Variants in MYO9B observed in about 807,000 individuals in gnomAD.
MYO9B encodes unconventional myosin-IXb.
MYO9B carries 71 observed loss-of-function variants against 229.5 expected under a neutral mutation model. The ratio of observed to expected loss-of-function variants is 0.31; its 90% CI spans 0.26 to 0.38. The LOEUF is 0.38. Ranked by LOEUF, MYO9B falls within the 10% of genes least tolerant of loss-of-function variation. The pLI is 1.00. For synonymous variants in MYO9B, 1,185 were observed against 1,235.8 expected, an observed-to-expected ratio of 0.96 and a Z score of 0.86; for missense variants, 2,255 against 2,920.5, an observed-to-expected ratio of 0.77 and a Z score of 5.25.
At position 17,203,251 on chromosome 19, in the gene MYO9B, C is replaced by T; in HGVS notation, c.4983C>T (p.Leu1661=). The change falls in exon 30 of 40, where the codon CTC becomes CTT. Residue 1661 remains leucine (L), a synonymous_variant. Coordinates refer to ENST00000682292, the MANE Select transcript of MYO9B (RefSeq NM_004145.4). ...TCTGGCTCATGGACAAGGCCCTGCT[C>T]TGCAGCGGTGAGTGGCTCCCCCACC... ...SYIWLMDKAL[L]CSVCKMTCHK... is the part of the protein sequence containing the mutation. 1.3e-6 allele frequency: 2 copies of T among 1,552,790 alleles called. No homozygotes were observed. The highest frequency in any genetic ancestry group is 2.4e-5 in the East Asian group (1 of 41,152).
intron 2 of MYO9B, among the ~76,000 whole-genome samples, chr19:17,120,643 A>G (rs1473897984): frequency 4.1e-5 from 4 of 96,758 alleles, no homozygotes; most frequent in African/African-American, 1.4e-4. Context: ...TGTCTCAAAA[A>G]AAAAAAAAAA....
At chr19:17,153,305 G>A (rs112518140) in intron 4 of MYO9B, among the ~76,000 whole-genome samples, 1,749 of 150,528 alleles carry the variant, frequency 0.012, 38 homozygotes, top group African/African-American at 0.039. Context: ...TGCCTGAGGC[G>A]ACTCTCATGC....
At chr19:17,136,812 C>T (rs2072275847) in intron 2 of MYO9B, among the ~76,000 whole-genome samples, 1 of 152,182 alleles carries the variant, frequency 6.6e-6, no homozygotes, top group South Asian at 2.1e-4. Context: ...ACAGGTCAGA[C>T]CGGGCCCAGT....
At chr19:17,133,559 C>T (rs967130844) in intron 2 of MYO9B, among the ~76,000 whole-genome samples, 2 of 151,792 alleles carry the variant, frequency 1.3e-5, no homozygotes, top group Admixed American at 1.3e-4. Context: ...TGGGCCTAAG[C>T]GATCCTTCTG....
rs200272204 is a variant in MYO9B at position 17,205,323 on chromosome 19, C to A, written c.5051C>A (p.Thr1684Asn). 9.0e-5 allele frequency: 146 copies of A among 1,613,760 alleles called. No individual in the cohort carries two copies. In the African/African-American group the frequency reaches 1.6e-3, roughly 18 times the overall value. ...VHKIQSHCSY[T>N]YGRKGEPGVE... ...AAGATTCAGAGCCACTGCTCCTACA[C>A]CTACGGGAGGAAGGTGAGTGTACGA... The change falls in exon 31 of 40, where the codon ACC becomes AAC. Residue 1684 changes from threonine (T) to asparagine (N), a missense_variant. This residue lies in a region of MYO9B where 416 missense variants were observed against 605.5 expected (regional missense o/e 0.69). Transcript: ENST00000682292.
At chr19:17,142,015 A>G (rs1025907167) in intron 2 of MYO9B, among the ~76,000 whole-genome samples, 11 of 152,098 alleles carry the variant, frequency 7.2e-5, no homozygotes, top group African/African-American at 2.4e-4. Flanking sequence ...GGTCTCTACA[A>G]AAAATTTTAA....
At chr19:17,158,018 G>T (rs2072556148) in intron 7 of MYO9B, among the ~76,000 whole-genome samples, 1 of 152,146 alleles carries the variant, frequency 6.6e-6, no homozygotes, top group Admixed American at 6.6e-5. Flanking sequence ...AGAACTTTCT[G>T]GTTGCCATAC....
At chr19:17,082,923 C>T (rs1048900112) in intron 1 of MYO9B, among the ~76,000 whole-genome samples, 2 of 151,964 alleles carry the variant, frequency 1.3e-5, no homozygotes, top group Admixed American at 6.6e-5. Context: ...TCTTGCACTC[C>T]GCACTCTCAA....
At chr19:17,199,622 T>C (rs1599419728) in intron 24 of MYO9B, among the ~76,000 whole-genome samples, 1 of 151,580 alleles carries the variant, frequency 6.6e-6, no homozygotes, top group Admixed American at 6.6e-5. Context: ...CAAGCGATTC[T>C]CCTGCCTCAG....
In MYO9B at chr19:17,194,609, C is replaced by T; in HGVS notation, c.3182C>T (p.Ala1061Val). 4 of 1,612,866 alleles carry T rather than the reference C, an allele frequency of 2.5e-6. No individual in the cohort carries two copies. The highest frequency in any genetic ancestry group is 1.1e-5 in the South Asian group (1 of 91,078). The change falls in exon 22 of 40, where the codon GCC becomes GTC. Residue 1061 changes from alanine to valine, a missense_variant. Around this residue, in one of 7 missense-constraint regions of MYO9B, gnomAD observed 679 missense variants for 770.2 expected, o/e 0.88. Coordinates refer to ENST00000682292, the MANE Select transcript of MYO9B (RefSeq NM_004145.4). ...AAGGCAGAAGAGAAGGAGAGGGAAG[C>T]CCTGGAAGCCGCAAGAGCAGGTGCT... ...KQKAEEKERE[A>V]LEAARAGAEE...
rs1182743375 is a variant in MYO9B, at chr19:17,195,457, G to A, written c.4030G>A (p.Ala1344Thr). 9.4e-6 allele frequency: 15 copies of A among 1,597,888 alleles called. No homozygotes were observed. The highest frequency in any genetic ancestry group is 1.3e-5 in the African/African-American group (1 of 74,850). Residue 1344 changes from alanine (A) to threonine (T), a missense_variant, in exon 22 of 40, where the codon GCC (alanine) becomes ACC (threonine). This residue lies in a region of MYO9B where 679 missense variants were observed against 770.2 expected (regional missense o/e 0.88). Transcript: ENST00000682292. This position sits in a 1 kb window ranked among gnomAD's most constrained non-coding sequence, Gnocchi z 4.5. ...LSDRHRATGAALTPTEERRTS... is the reference protein window; with the variant it reads ...LSDRHRATGATLTPTEERRTS... ...CGACAGACACCGGGCCACAGGGGCC[G>A]CCCTCACGCCCACAGAGTAAGCCCC...
chr19:17,089,227 G>A (rs755497168), intron 1 of MYO9B, among the ~76,000 whole-genome samples: 1 of 151,678 alleles, frequency 6.6e-6, no homozygotes, highest in Non-Finnish European at 1.5e-5. Flanking sequence ...ATTCCTTCGT[G>A]TGTGTGTGTC....
At chr19:17,157,171 A>G (rs924969324) in intron 7 of MYO9B, 133 bp downstream of exon 7, 159 of 1,133,130 alleles carry the variant, frequency 1.4e-4, no homozygotes, top group Non-Finnish European at 1.9e-4. Context: ...GTCTTCCGCT[A>G]TCATCTCTAC....
chr19:17,210,603 A>G, intron 37 of MYO9B, 112 bp from the exon 38 acceptor site: 1 of 1,359,960 alleles, frequency 7.4e-7, no homozygotes, highest in Non-Finnish European at 9.8e-7. Context: ...AAGTCTCACT[A>G]AGAGCCCAGC....
intron 2 of MYO9B, among the ~76,000 whole-genome samples, chr19:17,121,705 GAAGGGCGCGGTGGCTCACGCCGAT>G (rs2057967125): frequency 6.6e-6 from 1 of 152,214 alleles, no homozygotes; most frequent in Non-Finnish European, 1.5e-5. Context: ...AAAAGTACTG[GAAGGGCGCGGTGGCTCACGCCGAT>G]AATTCCAGCA....
chr19:17,205,832 C>T (rs2073153824), intron 31 of MYO9B, 128 bp from the exon 32 acceptor site: 2 of 913,322 alleles, frequency 2.2e-6, no homozygotes, highest in Non-Finnish European at 3.2e-6. Context: ...CAGAAGGAGA[C>T]AGGGAGGGAC....
intron 1 of MYO9B, among the ~76,000 whole-genome samples, chr19:17,097,123 G>A (rs2057700756): frequency 6.6e-6 from 1 of 151,686 alleles, no homozygotes. Context: ...AGTCAACATG[G>A]CTGTCTCTAC....
chr19:17,076,801 G>T (rs555214379), intron 1 of MYO9B, among the ~76,000 whole-genome samples: 1 of 152,292 alleles, frequency 6.6e-6, no homozygotes, highest in Non-Finnish European at 1.5e-5. Context: ...TCAGGAGGGA[G>T]TGTGCATGCA....
chr19:17,138,815 G>A (rs1273582296), intron 2 of MYO9B, among the ~76,000 whole-genome samples: 2 of 152,180 alleles, frequency 1.3e-5, no homozygotes, highest in East Asian at 3.9e-4. Flanking sequence ...TAGGTGTTTA[G>A]TAGGTTATAT....
Sources: allele counts gnomAD v4.1 joint callset (sites outside exome capture counted in the v4.1 genomes callset), GRCh38; gene constraint gnomAD v4.1.1; regional missense constraint gnomAD v4.1.1; non-coding constraint Gnocchi (gnomAD v3.1); transcripts MANE v1.5; gene names NCBI Gene and HGNC (gene_info 2026-07-23, HGNC 2026-07-21).